The following UBN2 variants were observed in gnomAD, a reference collection of about 807,000 sequenced individuals.
The protein encoded by UBN2 is ubinuclein 2.
A neutral mutation model predicts 120.2 loss-of-function variants in UBN2; 35 were observed. That is an observed-to-expected ratio of 0.29 (90% confidence interval 0.22 to 0.39). The LOEUF is 0.39. UBN2 is among the 10% of genes least tolerant of loss of function. The pLI is 1.00. For synonymous variants in UBN2, 661 were observed against 648.7 expected (o/e 1.02, Z -0.29); for missense variants, 1,693 against 1,663.2 (o/e 1.02, Z -0.31).
chr7:139,322,617 C>CTGTTTTTT, the UBN2 span, among the ~76,000 whole-genome samples: 1 of 102,812 alleles, frequency 9.7e-6, no homozygotes, highest in Non-Finnish European at 1.9e-5. Context: ...ACCATCTGGA[C>CTGTTTTTT]TTTTTTTTTT....
chr7:139,270,020 G>A (rs544194753), intron 8 of UBN2, among the ~76,000 whole-genome samples: 1 of 152,198 alleles, frequency 6.6e-6, no homozygotes, highest in African/African-American at 2.4e-5. Flanking sequence ...GTGTTGCCGA[G>A]GCTGGTCTTG....
chr7:139,327,350 T>A, the UBN2 span, among the ~76,000 whole-genome samples: 3 of 152,228 alleles, frequency 2.0e-5, no homozygotes, highest in African/African-American at 4.8e-5. Flanking sequence ...AACATTTTAT[T>A]ATTTACTCTG....
intron 2 of UBN2, among the ~76,000 whole-genome samples, chr7:139,245,561 A>G (rs1796448267): frequency 6.6e-6 from 1 of 152,208 alleles, no homozygotes; most frequent in Non-Finnish European, 1.5e-5. Flanking sequence ...TAAATCTCTA[A>G]TTACCCATAA....
rs750084051 is a variant in UBN2 at position 139,261,431 on chromosome 7, C to T, written c.1085C>T (p.Ala362Val). 24 of 1,614,112 alleles carry T rather than the reference C, an allele frequency of 1.5e-5. No homozygotes were observed. In the African/African-American group the frequency reaches 3.1e-4, roughly 21 times the overall value. Residue 362 changes from alanine (A) to valine (V), a missense_variant, in exon 6 of 18, where the codon GCT becomes GTT. Transcript: ENST00000473989. ...TCTCTGAATAAACCCCCATGTGCTG[C>T]TGCAGCACTGGGGAATGACGTCCCG... ...TPSLNKPPCA[A>V]AALGNDVPDL...
At chr7:139,272,673 C>A (rs533095308) in intron 9 of UBN2, among the ~76,000 whole-genome samples, 1 of 152,068 alleles carries the variant, frequency 6.6e-6, no homozygotes, top group Non-Finnish European at 1.5e-5. Flanking sequence ...ATTACAGACA[C>A]GTGCCACCAC....
chr7:139,232,266 A>G (rs1796046433), intron 1 of UBN2, among the ~76,000 whole-genome samples: 1 of 152,102 alleles, frequency 6.6e-6, no homozygotes, highest in South Asian at 2.1e-4. Context: ...TCTGCTCCCC[A>G]CACAAAATCC....
downstream of UBN2, among the ~76,000 whole-genome samples, chr7:139,311,559 A>G (rs1798447157): frequency 6.6e-6 from 1 of 152,254 alleles, no homozygotes; most frequent in Non-Finnish European, 1.5e-5. Flanking sequence ...TGGTCGGATT[A>G]GAGACAAGGT....
chr7:139,264,254 A>G (rs1484415508), intron 6 of UBN2, among the ~76,000 whole-genome samples: 3 of 152,180 alleles, frequency 2.0e-5, no homozygotes, highest in African/African-American at 7.2e-5. Flanking sequence ...ACTTCCTCTT[A>G]GAGATTACCA....
At position 139,305,630 on chromosome 7, in the gene UBN2, G is replaced by A. The variant is rs1405231978; in HGVS notation, c.*7794G>A. On this transcript the variant is annotated 3_prime_UTR_variant, in exon 18 of 18. Transcript: ENST00000473989. ...CATAGTGCGTTAGTACTTAAACTTC[G>A]GACACTTTTCCAAACTGTTAAACAA... 1.3e-5 allele frequency: 2 copies of A among 151,960 alleles called. No individual in the cohort carries two copies. The highest frequency in any genetic ancestry group is 1.9e-4 in the East Asian group (1 of 5,206). The allele number at this position is 151,960 out of a possible 1,614,324, so 9.4% of individuals were successfully genotyped here.
At chr7:139,279,214 A>G (rs1202617047) in intron 12 of UBN2, 104 bp from the exon 13 acceptor site, 1 of 917,978 alleles carries the variant, frequency 1.1e-6, no homozygotes, top group African/African-American at 1.7e-5. Context: ...GAGCTTTCCA[A>G]ATAGCAGAAG....
intron 3 of UBN2, among the ~76,000 whole-genome samples, chr7:139,257,418 CTTTCT>C: frequency 6.6e-6 from 1 of 152,008 alleles, no homozygotes; most frequent in East Asian, 1.9e-4. Flanking sequence ...TTCTTTTTCT[CTTTCT>C]TTTGAGACAG....
At chr7:139,281,876 A>T in intron 13 of UBN2, 129 bp from the exon 14 acceptor site, 1 of 759,198 alleles carries the variant, frequency 1.3e-6, no homozygotes, top group Non-Finnish European at 2.2e-6. Context: ...ACCTTAATGC[A>T]GTTACACTTG....
chr7:139,254,898 A>G (rs1363903259), intron 3 of UBN2, among the ~76,000 whole-genome samples: 1 of 152,228 alleles, frequency 6.6e-6, no homozygotes, highest in Non-Finnish European at 1.5e-5. Context: ...AGCATGCTGT[A>G]CCACAGTAGG....
At chr7:139,265,294 C>T (rs183392827) in intron 6 of UBN2, among the ~76,000 whole-genome samples, 3 of 151,804 alleles carry the variant, frequency 2.0e-5, no homozygotes, top group South Asian at 2.1e-4. Flanking sequence ...CTGGCTAACA[C>T]GATGAAATCC....
At chr7:139,258,716 G>T in intron 4 of UBN2, 91 bp downstream of exon 4, 2 of 1,171,694 alleles carry the variant, frequency 1.7e-6, no homozygotes, top group Admixed American at 2.6e-5. Flanking sequence ...TGAATGTAAG[G>T]AAAAGTAAAA....
At chr7:139,308,783 G>A (rs1563236017), downstream of UBN2, among the ~76,000 whole-genome samples, 1 of 152,168 alleles carries the variant, frequency 6.6e-6, no homozygotes, top group Non-Finnish European at 1.5e-5. Flanking sequence ...TAGAAATTCA[G>A]GTAAGAGGCC....
At chr7:139,261,160 A>G (rs1161881379) in intron 5 of UBN2, 92 bp from the exon 6 acceptor site, 20 of 1,425,300 alleles carry the variant, frequency 1.4e-5, no homozygotes, top group Non-Finnish European at 1.7e-5. Flanking sequence ...TCACCTGTCA[A>G]ATTATTATTT....
Position 139,262,222 on chromosome 7 carries a change from C to G in UBN2, c.1395+481C>G, listed in dbSNP as rs145011858. Among the ~76,000 whole-genome samples, 1,142 of 152,214 alleles carry G rather than the reference C, an allele frequency of 7.5e-3. 17 individuals carry two copies. Among genetic ancestry groups the G allele is most frequent in the African/African-American group, 0.026 (1,099 of 41,518 alleles). On this transcript the variant is annotated intron_variant, in intron 6 of 17. Transcript: ENST00000473989. ...TCAAGAGATTCTCTTGCCTCAGCCT[C>G]CCAAATATCTGGGATTACAGGTGCG...
rs922703891 is a variant in UBN2 at position 139,305,997 on chromosome 7, T to C, written c.*8161T>C. 1 of 152,242 alleles carries C rather than the reference T, an allele frequency of 6.6e-6. No homozygotes were observed. The highest frequency in any genetic ancestry group is 2.4e-5 in the African/African-American group (1 of 41,468). 9.4% of individuals were successfully genotyped at this position (152,242 alleles called of 1,614,324 possible). On this transcript the variant is annotated 3_prime_UTR_variant, in exon 18 of 18. Transcript: ENST00000473989. ...TCCTCACAAAATTTTCTACACATTA[T>C]TTGTTCCCACTTTGCTAATAATAAT...
Sources: allele counts gnomAD v4.1 joint callset (sites outside exome capture counted in the v4.1 genomes callset), GRCh38; gene constraint gnomAD v4.1.1; transcripts MANE v1.5; gene names NCBI Gene and HGNC (gene_info 2026-07-23, HGNC 2026-07-21).